The following GFPT2 variants were observed in gnomAD, a reference collection of about 807,000 sequenced individuals.
GFPT2 encodes glutamine--fructose-6-phosphate transaminase 2, also known as glutamine--fructose-6-phosphate aminotransferase [isomerizing] 2.
Under a neutral mutation model 85.6 loss-of-function variants are expected in GFPT2, and 62 were observed. The observed-to-expected ratio is 0.72, with a 90% confidence interval of 0.59 to 0.90. GFPT2 has a LOEUF of 0.90. GFPT2 is among the 40% of genes least tolerant of loss of function. The pLI is 0.00. For synonymous variants in GFPT2, 368 were observed against 344.5 expected (o/e 1.07, Z -0.75); for missense variants, 788 against 893.4 (o/e 0.88, Z 1.50).
At chr5:180,305,050 C>T (rs746996315) in intron 16 of GFPT2, 111 bp from the exon 17 acceptor site, 2 of 780,602 alleles carry the variant, frequency 2.6e-6, no homozygotes, top group Non-Finnish European at 4.3e-6. Context: ...AGGCAGAGAG[C>T]CAAGGGTTGC....
At chr5:180,302,674 T>TTCTCATCACA in intron 17 of GFPT2, 90 bp from the exon 18 acceptor site, 5 of 1,013,244 alleles carry the variant, frequency 4.9e-6, no homozygotes, top group Non-Finnish European at 5.9e-6. Context: ...TACATTACTG[T>TTCTCATCACA]GATGAGAACA....
intron 1 of GFPT2, among the ~76,000 whole-genome samples, chr5:180,349,834 C>T (rs1194191806): frequency 6.6e-6 from 1 of 151,822 alleles, no homozygotes; most frequent in East Asian, 1.9e-4. Flanking sequence ...AAGGGCTTCA[C>T]CTTCTGGCAA....
chr5:180,342,158 G>C (rs1764528987), intron 1 of GFPT2, among the ~76,000 whole-genome samples: 1 of 152,088 alleles, frequency 6.6e-6, no homozygotes, highest in Admixed American at 6.5e-5. Context: ...TGACTGTGAG[G>C]CCTCCCCAGC....
chr5:180,340,951 A>G (rs1321719715), intron 1 of GFPT2, among the ~76,000 whole-genome samples: 1 of 152,130 alleles, frequency 6.6e-6, no homozygotes, highest in Non-Finnish European at 1.5e-5. Context: ...CGGGGGAACA[A>G]ACTCTCAGGC....
chr5:180,312,399 A>G, intron 15 of GFPT2, 31 bp downstream of exon 15: 1 of 1,152,034 alleles, frequency 8.7e-7, no homozygotes, highest in Middle Eastern at 1.9e-4. Flanking sequence ...ACTAGATCTG[A>G]AAACATGGAA....
At chr5:180,320,016 A>G (rs1383973903) in intron 9 of GFPT2, among the ~76,000 whole-genome samples, 4 of 152,126 alleles carry the variant, frequency 2.6e-5, no homozygotes, top group Admixed American at 1.3e-4. Context: ...ATTTTGAGAC[A>G]GAGTCTCGCT....
chr5:180,352,242 C>T (rs1764724133), intron 1 of GFPT2: 1 of 364,664 alleles, frequency 2.7e-6, no homozygotes, highest in African/African-American at 2.2e-5. Flanking sequence ...CACCCCGGCC[C>T]TCAGCAAAGT....
chr5:180,336,567 G>T lies in GFPT2; in HGVS notation c.126C>A (p.Ile42=). 10 of 1,603,308 alleles carry T rather than the reference G, an allele frequency of 6.2e-6. No homozygotes were observed. The highest frequency in any genetic ancestry group is 6.8e-6 in the Non-Finnish European group (8 of 1,170,182). Residue 42 remains isoleucine, a synonymous_variant, in exon 3 of 19, where the codon ATC becomes ATA. Transcript: ENST00000253778. ...CTTTGACTTCGTGATTATTCCCATC[G>T]ATCGCCACACCTGTGATGTAGACAG... is the stretch of plus-strand genomic sequence containing the variant. ...YRGYDSAGVA[I]DGNNHEVKER...
chr5:180,321,475 T>C (rs1764119409), intron 9 of GFPT2, among the ~76,000 whole-genome samples: 1 of 152,226 alleles, frequency 6.6e-6, no homozygotes, highest in South Asian at 2.1e-4. Context: ...GCAACATACA[T>C]AACCCCCTGG....
chr5:180,347,831 G>A (rs556101919), intron 1 of GFPT2, among the ~76,000 whole-genome samples: 35 of 151,814 alleles, frequency 2.3e-4, no homozygotes, highest in Admixed American at 2.2e-3. Context: ...GGGTGGAGGG[G>A]AGGGATGATT....
chr5:180,322,970 G>A (rs1039641545), intron 9 of GFPT2, among the ~76,000 whole-genome samples: 10 of 151,108 alleles, frequency 6.6e-5, no homozygotes, highest in Non-Finnish European at 1.5e-4. Context: ...AGGAGGCGGA[G>A]CTTGCAGTGA....
rs1554134352 is a variant in GFPT2, at chr5:180,326,024, C to CTAAG, written c.597-1130_597-1129insCTTA. Among the ~76,000 whole-genome samples, 6 of 150,744 alleles carry CTAAG rather than the reference C, an allele frequency of 4.0e-5. No homozygotes were observed. In the East Asian group the frequency reaches 1.2e-3, roughly 30 times the overall value. On this transcript the variant is annotated intron_variant, in intron 7 of 18. Transcript: ENST00000253778. Reference sequence around the variant, plus strand: ...TGGGCGACAAAGCGAGACTCCATCTCTAAATAAATAAATAAATAAATAAAT... The same window carrying CTAAG: ...TGGGCGACAAAGCGAGACTCCATCTCTAAGTAAATAAATAAATAAATAAATAAAT...
chr5:180,316,987 G>A lies in GFPT2; in HGVS notation c.1030C>T (p.Arg344Trp), dbSNP rs369194682. 32 of 1,609,308 alleles carry A rather than the reference G, an allele frequency of 2.0e-5. No individual in the cohort carries two copies. In the African/African-American group the frequency reaches 3.2e-4, roughly 16 times the overall value. Reference protein sequence around the residue: ...PESVFNTMRGRVNFETNTVLL... With the variant: ...PESVFNTMRGWVNFETNTVLL... ...CCTGTGTTGGTTTCAAAATTCACCC[G>A]ACCTCTCATAGTATTGAAAACTGAT... Residue 344 changes from arginine (R) to tryptophan (W), a missense_variant, in exon 11 of 19, where the codon CGG becomes TGG. By Grantham distance (101) the Arg-to-Trp change is moderately radical. Coordinates refer to ENST00000253778, the MANE Select transcript of GFPT2 (RefSeq NM_005110.4).
At chr5:180,338,096 G>A (rs1764437983) in intron 2 of GFPT2, among the ~76,000 whole-genome samples, 1 of 152,150 alleles carries the variant, frequency 6.6e-6, no homozygotes, top group Non-Finnish European at 1.5e-5. Context: ...CTGCACTCCA[G>A]CCTGAGTAAC....
chr5:180,335,700 C>T, intron 4 of GFPT2, 128 bp downstream of exon 4: 3 of 1,009,302 alleles, frequency 3.0e-6, no homozygotes, highest in Non-Finnish European at 4.4e-6. Flanking sequence ...CATCCGCATT[C>T]TCTTGGGAAG....
chr5:180,301,656 C>A lies in GFPT2; in HGVS notation c.2005-48G>T, dbSNP rs762219108. On this transcript the variant is annotated intron_variant, in intron 18 of 18. Transcript: ENST00000253778. The stretch of plus-strand genomic sequence containing the variant: ...TTCAGGACCCCAAAGATCTCAGCAA[C>A]ATGCTACCTCTCACAGACAATTTTC... 25 of 1,440,632 alleles carry A rather than the reference C, an allele frequency of 1.7e-5. 1 individual carries two copies. In the South Asian group the frequency reaches 2.6e-4, roughly 15 times the overall value. 89.2% of individuals were successfully genotyped at this position (1,440,632 alleles called of 1,614,324 possible). A position where few individuals can be genotyped will look rare whatever the true frequency, so the allele number is the denominator to read the frequency against.
rs554264437 is a variant in GFPT2 at position 180,318,577 on chromosome 5, G to A, written c.958+216C>T. The A allele has an allele frequency of 2.4e-5, 13 of 552,524 alleles. No homozygotes were observed. Among genetic ancestry groups the A allele is most frequent in the South Asian group, 1.4e-4 (6 of 43,956 alleles). The allele number at this position is 552,524 out of a possible 1,614,324, so 34.2% of individuals were successfully genotyped here. A position where few individuals can be genotyped will look rare whatever the true frequency, so the allele number is the denominator to read the frequency against. ...TCAGTTCCAGTAGGAAAGACCTGGC[G>A]GCTGGCTGCACACAGGAGCCCCCGC... On this transcript the variant is annotated intron_variant, in intron 10 of 18. Transcript: ENST00000253778. This position sits in a 1 kb window ranked among gnomAD's most constrained non-coding sequence, Gnocchi z 4.2.
In GFPT2 at chr5:180,307,282, G is replaced by C; in HGVS notation, c.1568C>G (p.Ser523Cys). The change falls in exon 16 of 19, where the codon TCT (serine) becomes TGT (cysteine). Residue 523 changes from serine (S) to cysteine (C), a missense_variant. By Grantham distance (112) the Ser-to-Cys change is moderately radical. Coordinates refer to ENST00000253778, the MANE Select transcript of GFPT2 (RefSeq NM_005110.4). ...SLPELIKEVL[S>C]LEEKIHDLAL... Reference sequence around the variant, plus strand: ...CAAGTCGTGGATCTTCTCCTCCAGAGACAGCACTTCCTTGATCAGCTCTGG... The same window carrying C: ...CAAGTCGTGGATCTTCTCCTCCAGACACAGCACTTCCTTGATCAGCTCTGG... 1 of 1,613,988 alleles carries C rather than the reference G, an allele frequency of 6.2e-7. No homozygotes were observed. The highest frequency in any genetic ancestry group is 8.5e-7 in the Non-Finnish European group (1 of 1,179,874).
chr5:180,334,258 G>GCAGGGTGGATGGGGCTCTCCTTCCGTT (rs1764358259), intron 4 of GFPT2, among the ~76,000 whole-genome samples: 1 of 152,228 alleles, frequency 6.6e-6, no homozygotes, highest in Non-Finnish European at 1.5e-5. Context: ...GCTCTGCTGA[G>GCAGGGTGGATGGGGCTCTCCTTCCGTT]CAGGGTGGAT....
Sources: allele counts gnomAD v4.1 joint callset (sites outside exome capture counted in the v4.1 genomes callset), GRCh38; gene constraint gnomAD v4.1.1; non-coding constraint Gnocchi (gnomAD v3.1); transcripts MANE v1.5; gene names NCBI Gene and HGNC (gene_info 2026-07-23, HGNC 2026-07-21).